The following THADA variants were observed in gnomAD, a reference collection of about 807,000 sequenced individuals.
THADA encodes THADA armadillo repeat containing.
A neutral mutation model predicts 219.8 loss-of-function variants in THADA; 213 were observed. The observed-to-expected ratio is 0.97, with a 90% CI of 0.87 to 1.09. The LOEUF (loss-of-function observed/expected upper bound fraction) is 1.09, where lower values mean the gene tolerates loss of function less well. Among genes scored for constraint, THADA ranks in the 50% least tolerant of loss-of-function variants. The pLI, the probability that THADA is intolerant of heterozygous loss-of-function variation, is 0.00. For missense variants in THADA, 2,956 were observed against 2,311.3 expected (o/e 1.28, Z -5.72); for synonymous variants, 1,018 against 828.9 (o/e 1.23, Z -3.92).
intron 29 of THADA, among the ~76,000 whole-genome samples, chr2:43,385,381 C>T (rs570755130): frequency 6.6e-5 from 10 of 151,904 alleles, no homozygotes; most frequent in African/African-American, 1.9e-4. Context: ...CCGAGGCAGG[C>T]GGATCACGAG....
chr2:43,574,851 T>A lies in THADA; in HGVS notation c.1214A>T (p.Asp405Val), dbSNP rs772804097. Residue 405 changes from aspartate to valine, a missense_variant, in exon 11 of 38, where the codon GAT (aspartate) becomes GTT (valine). Transcript: ENST00000405975. Reference sequence around the variant, plus strand: ...GATTTTGGTTTGGTGTCTCAGAGCATCCAATGGATGTTCCCAATGGGTATA... The same window carrying A: ...GATTTTGGTTTGGTGTCTCAGAGCAACCAATGGATGTTCCCAATGGGTATA... ...YVYTHWEHPL[D>V]ALRHQTKIMF... The A allele has an allele frequency of 3.1e-6, 5 of 1,614,008 alleles. No homozygotes were observed. In the South Asian group the frequency reaches 5.5e-5, roughly 18 times the overall value.
chr2:43,434,836 A>T (rs893830669), intron 26 of THADA, among the ~76,000 whole-genome samples: 8 of 152,206 alleles, frequency 5.3e-5, no homozygotes, highest in Admixed American at 5.2e-4. Flanking sequence ...GCAACAAGGC[A>T]AGGGGGTCTA....
chr2:43,451,655 G>C (rs116448870), intron 26 of THADA, among the ~76,000 whole-genome samples: 3 of 152,060 alleles, frequency 2.0e-5, no homozygotes, highest in Non-Finnish European at 4.4e-5. Context: ...CAGCCATAGG[G>C]GTTCCATGTT....
At chr2:43,484,041 T>C (rs1686575359) in intron 26 of THADA, among the ~76,000 whole-genome samples, 1 of 151,830 alleles carries the variant, frequency 6.6e-6, no homozygotes, top group African/African-American at 2.4e-5. Flanking sequence ...AAATAAAAAT[T>C]ATAATCATCC....
At chr2:43,469,586 T>C (rs1365561129) in intron 26 of THADA, among the ~76,000 whole-genome samples, 1 of 152,218 alleles carries the variant, frequency 6.6e-6, no homozygotes, top group African/African-American at 2.4e-5. Flanking sequence ...TATAATCTTA[T>C]TTTTTAAAAG....
intron 17 of THADA, among the ~76,000 whole-genome samples, chr2:43,553,832 C>T (rs1017258493): frequency 2.0e-5 from 3 of 152,268 alleles, no homozygotes; most frequent in Non-Finnish European, 4.4e-5. Context: ...GAAGTGCTTC[C>T]TCACTGTGAT....
intron 29 of THADA, among the ~76,000 whole-genome samples, chr2:43,352,998 G>A (rs181172212): frequency 1.3e-5 from 2 of 152,014 alleles, no homozygotes; most frequent in East Asian, 3.9e-4. Flanking sequence ...AAGATCATGC[G>A]ACACTTTTCT....
chr2:43,392,068 C>T (rs770317653), intron 29 of THADA: 83 of 152,206 alleles, frequency 5.5e-4, no homozygotes, highest in African/African-American at 1.7e-3. Context: ...ATAATATTTT[C>T]GAGGCATAAA....
At chr2:43,345,117 T>C (rs1038215771) in intron 29 of THADA, among the ~76,000 whole-genome samples, 1 of 152,238 alleles carries the variant, frequency 6.6e-6, no homozygotes, top group African/African-American at 2.4e-5. Context: ...AAGTCTATTT[T>C]AATAACATCT....
chr2:43,422,492 G>C (rs1677840554), intron 28 of THADA, among the ~76,000 whole-genome samples: 1 of 152,044 alleles, frequency 6.6e-6, no homozygotes, highest in Non-Finnish European at 1.5e-5. Flanking sequence ...GAGTTCAGGG[G>C]GACTACAGCC....
intron 26 of THADA, among the ~76,000 whole-genome samples, chr2:43,478,111 C>T (rs1685754826): frequency 2.0e-5 from 3 of 152,146 alleles, no homozygotes; most frequent in Admixed American, 2.0e-4. Flanking sequence ...TGGTAAACTC[C>T]TTGAAATCTC....
At chr2:43,304,638 A>C (rs535559759) in intron 31 of THADA, among the ~76,000 whole-genome samples, 5 of 152,204 alleles carry the variant, frequency 3.3e-5, no homozygotes, top group Admixed American at 1.3e-4. Context: ...ACCTCCTTAA[A>C]AAAGTAGGAG....
intron 22 of THADA, among the ~76,000 whole-genome samples, chr2:43,521,917 T>C (rs1692543465): frequency 6.6e-6 from 1 of 152,236 alleles, no homozygotes. Flanking sequence ...TCCATCCAAC[T>C]ACATGTAGTA....
At chr2:43,395,756 C>T (rs1049494434) in intron 29 of THADA, among the ~76,000 whole-genome samples, 2 of 152,118 alleles carry the variant, frequency 1.3e-5, no homozygotes, top group Non-Finnish European at 2.9e-5. Context: ...CTCAAGTTTA[C>T]TTTTTTCTTT....
intron 28 of THADA, among the ~76,000 whole-genome samples, chr2:43,425,139 G>C (rs539626785): frequency 6.6e-6 from 1 of 152,262 alleles, no homozygotes; most frequent in East Asian, 1.9e-4. Flanking sequence ...CCCTTGACAA[G>C]CCCTGCACTC....
At chr2:43,517,932 G>A (rs548400340) in intron 22 of THADA, among the ~76,000 whole-genome samples, 195 of 152,244 alleles carry the variant, frequency 1.3e-3, no homozygotes, top group Non-Finnish European at 2.3e-3. Flanking sequence ...AGATTTTGGC[G>A]TTAGTGGTTC....
intron 34 of THADA, among the ~76,000 whole-genome samples, chr2:43,291,477 A>AAAAAAAAAAAAAAAAAAAAC (rs1674709524): frequency 6.7e-6 from 1 of 148,860 alleles, no homozygotes; most frequent in African/African-American, 2.5e-5. Flanking sequence ...AAAAAAAAAA[A>AAAAAAAAAAAAAAAAAAAAC]AAAAATCCTA....
At chr2:43,547,617 C>T (rs1052429894) in intron 20 of THADA, among the ~76,000 whole-genome samples, 2 of 152,142 alleles carry the variant, frequency 1.3e-5, no homozygotes, top group African/African-American at 2.4e-5. Context: ...TCATTCATTT[C>T]ATCTTCCATC....
At chr2:43,259,774 T>C (rs2104196113) in intron 36 of THADA, among the ~76,000 whole-genome samples, 1 of 152,362 alleles carries the variant, frequency 6.6e-6, no homozygotes, top group South Asian at 2.1e-4. Context: ...TTATAAACAC[T>C]GTTGAAAGGA....
Sources: allele counts gnomAD v4.1 joint callset (sites outside exome capture counted in the v4.1 genomes callset), GRCh38; gene constraint gnomAD v4.1.1; transcripts MANE v1.5; gene names NCBI Gene and HGNC (gene_info 2026-07-23, HGNC 2026-07-21).